The following RALGPS2 variants were observed in gnomAD, a reference collection of about 807,000 sequenced individuals.
The protein encoded by RALGPS2 is ras-specific guanine nucleotide-releasing factor RalGPS2.
RALGPS2 carries 43 observed loss-of-function variants against 86.8 expected under a neutral mutation model. The ratio of observed to expected loss-of-function variants is 0.50; its 90% CI spans 0.39 to 0.64. RALGPS2 has a LOEUF of 0.64. RALGPS2 is among the 30% of genes least tolerant of loss of function. The probability of loss-of-function intolerance (pLI) is 0.00; values close to 1 mark genes in which losing one functional copy is unlikely to be tolerated. For synonymous variants in RALGPS2, 243 were observed against 231.3 expected (o/e 1.05, Z -0.46); for missense variants, 536 against 694.6 (o/e 0.77, Z 2.57).
chr1:178,847,611 TTAAC>T (rs2102281453), intron 8 of RALGPS2, among the ~76,000 whole-genome samples: 1 of 152,322 alleles, frequency 6.6e-6, no homozygotes, highest in South Asian at 2.1e-4. Context: ...ATAATAATCT[TTAAC>T]TTACTACAAA....
intron 8 of RALGPS2, among the ~76,000 whole-genome samples, chr1:178,839,370 A>G (rs1656461595): frequency 6.6e-6 from 1 of 152,206 alleles, no homozygotes; most frequent in Non-Finnish European, 1.5e-5. Context: ...GCATTCTTAA[A>G]GAAAAGAATT....
chr1:178,892,352 G>A (rs762136573), intron 15 of RALGPS2, 45 bp downstream of exon 15: 53 of 1,527,336 alleles, frequency 3.5e-5, no homozygotes, highest in Middle Eastern at 1.7e-4. Context: ...CCCTTATGGT[G>A]TTGGTGATTG....
At chr1:178,780,786 CAT>C (rs1217966410) in intron 2 of RALGPS2, among the ~76,000 whole-genome samples, 1 of 152,178 alleles carries the variant, frequency 6.6e-6, no homozygotes, top group Non-Finnish European at 1.5e-5. Flanking sequence ...GTCTTTCAAA[CAT>C]ATTTCAAATG....
In RALGPS2 at chr1:178,823,041, C is replaced by T. The variant is rs1050968938; in HGVS notation, c.480+1337C>T. ...CTCACTGTGTTGTCCAGGCTGTTTTCGAACGCCTGATCTCAAGTGATCCTC... is the reference window on the plus strand; with the variant it reads ...CTCACTGTGTTGTCCAGGCTGTTTTTGAACGCCTGATCTCAAGTGATCCTC... On this transcript the variant is annotated intron_variant, in intron 7 of 19. Coordinates refer to ENST00000367635, the MANE Select transcript of RALGPS2 (RefSeq NM_152663.5). 2.1e-4 allele frequency among the ~76,000 whole-genome samples: 32 copies of T among 152,120 alleles called. 1 individual carries two copies. Among genetic ancestry groups the T allele is most frequent in the African/African-American group, 6.3e-4 (26 of 41,426 alleles).
At chr1:178,840,977 A>G (rs907478821) in intron 8 of RALGPS2, among the ~76,000 whole-genome samples, 3 of 152,224 alleles carry the variant, frequency 2.0e-5, no homozygotes, top group Non-Finnish European at 4.4e-5. Context: ...GAATAGACCA[A>G]TAACAGGCTC....
intron 4 of RALGPS2, among the ~76,000 whole-genome samples, chr1:178,795,552 A>G (rs1654151290): frequency 6.6e-6 from 1 of 151,914 alleles, no homozygotes. Flanking sequence ...AGCTGGGATA[A>G]CAGGTGTGCT....
intron 6 of RALGPS2, among the ~76,000 whole-genome samples, chr1:178,813,313 T>A (rs75367297): frequency 0.012 from 1,776 of 152,354 alleles, 53 homozygotes; most frequent in African/African-American, 0.041. Context: ...TGTTAGTTTT[T>A]AAATTTACTT....
At chr1:178,730,252 G>C (rs1420553089) in intron 1 of RALGPS2, among the ~76,000 whole-genome samples, 1 of 152,028 alleles carries the variant, frequency 6.6e-6, no homozygotes, top group African/African-American at 2.4e-5. Context: ...CTGTTTTTCA[G>C]TTTTCCTGTT....
At chr1:178,869,555 A>G (rs2102347781) in intron 8 of RALGPS2, among the ~76,000 whole-genome samples, 1 of 152,226 alleles carries the variant, frequency 6.6e-6, no homozygotes, top group East Asian at 1.9e-4. Flanking sequence ...AGCATGCAAC[A>G]ACAAAAAAGA....
At chr1:178,731,323 C>T (rs113995842) in intron 1 of RALGPS2, among the ~76,000 whole-genome samples, 1 of 125,234 alleles carries the variant, frequency 8.0e-6, no homozygotes, top group African/African-American at 3.0e-5. Context: ...TCCTCTGTCC[C>T]CCAGGCTGGA....
At chr1:178,777,740 AT>A (rs1653168244) in intron 2 of RALGPS2, among the ~76,000 whole-genome samples, 1 of 152,208 alleles carries the variant, frequency 6.6e-6, no homozygotes, top group Non-Finnish European at 1.5e-5. Flanking sequence ...ATAACACCGC[AT>A]ATCTACAACT....
chr1:178,796,273 A>G (rs1654186351), intron 4 of RALGPS2, among the ~76,000 whole-genome samples: 1 of 152,132 alleles, frequency 6.6e-6, no homozygotes, highest in Non-Finnish European at 1.5e-5. Flanking sequence ...ATTAGAAAAT[A>G]GAAGGGTTTA....
intron 19 of RALGPS2, among the ~76,000 whole-genome samples, chr1:178,912,289 TA>T (rs1241000186): frequency 6.6e-6 from 1 of 152,230 alleles, no homozygotes; most frequent in African/African-American, 2.4e-5. Context: ...GTCAGTGGAC[TA>T]TATACTTAAG....
chr1:178,726,524 G>GA (rs1373426451), intron 1 of RALGPS2, among the ~76,000 whole-genome samples: 2 of 150,428 alleles, frequency 1.3e-5, no homozygotes, highest in African/African-American at 4.9e-5. Context: ...AGGGGCAATT[G>GA]AAATACTAAA....
intron 7 of RALGPS2, among the ~76,000 whole-genome samples, chr1:178,824,881 G>T (rs902726804): frequency 6.6e-6 from 1 of 152,184 alleles, no homozygotes. Flanking sequence ...TTTAGTTACA[G>T]ATGCAGGTAA....
intron 1 of RALGPS2, among the ~76,000 whole-genome samples, chr1:178,772,415 A>G (rs1311225486): frequency 6.6e-6 from 1 of 152,182 alleles, no homozygotes; most frequent in Non-Finnish European, 1.5e-5. Context: ...CTGAATTTCT[A>G]GTTAACCTAT....
chr1:178,910,581 G>T (rs1316626390), intron 19 of RALGPS2, among the ~76,000 whole-genome samples: 2 of 152,092 alleles, frequency 1.3e-5, no homozygotes, highest in African/African-American at 4.8e-5. Flanking sequence ...TTTGCATCTG[G>T]TGAACCAACC....
chr1:178,818,755 C>T (rs1230523150), intron 6 of RALGPS2, among the ~76,000 whole-genome samples: 6 of 152,144 alleles, frequency 3.9e-5, no homozygotes, highest in Non-Finnish European at 2.9e-5. Flanking sequence ...AGAGATTCAG[C>T]GTATGCCCTC....
At chr1:178,852,532 G>A (rs557955097) in intron 8 of RALGPS2, 1 of 716,188 alleles carries the variant, frequency 1.4e-6, no homozygotes, top group Non-Finnish European at 2.2e-6. Flanking sequence ...AATCCTAAAA[G>A]CTATTTCTTT....
Sources: allele counts gnomAD v4.1 joint callset (sites outside exome capture counted in the v4.1 genomes callset), GRCh38; gene constraint gnomAD v4.1.1; transcripts MANE v1.5; gene names NCBI Gene and HGNC (gene_info 2026-07-23, HGNC 2026-07-21).